The following PDE4D variants were observed in gnomAD, a reference collection of about 807,000 sequenced individuals.
PDE4D encodes the protein phosphodiesterase 4D, also known as 3',5'-cyclic-AMP phosphodiesterase 4D.
PDE4D carries 24 observed loss-of-function variants against 87.4 expected under a neutral mutation model. The observed-to-expected ratio is 0.27, with a 90% CI of 0.20 to 0.39. The LOEUF (loss-of-function observed/expected upper bound fraction) is 0.39, where lower values mean the gene tolerates loss of function less well. Among genes scored for constraint, PDE4D ranks in the 10% least tolerant of loss-of-function variants. The pLI, the probability that PDE4D is intolerant of heterozygous loss-of-function variation, is 1.00. For missense variants in PDE4D, 714 were observed against 1,041.0 expected, an observed-to-expected ratio of 0.69 and a Z score of 4.32; for synonymous variants, 384 against 383.2, an observed-to-expected ratio of 1.00 and a Z score of -0.02.
chr5:60,472,287 C>A (rs78683957), intron 1 of PDE4D, among the ~76,000 whole-genome samples: 6,283 of 152,212 alleles, frequency 0.041, 237 homozygotes, highest in East Asian at 0.19. Context: ...AACTGAGGCA[C>A]AGCCAACTTA....
intron 2 of PDE4D, among the ~76,000 whole-genome samples, chr5:60,076,492 AT>A (rs1043195152): frequency 1.3e-5 from 2 of 151,760 alleles, no homozygotes; most frequent in African/African-American, 4.8e-5. Context: ...TGTCCTTTGG[AT>A]TTTTTTCTTT....
chr5:60,028,263 G>T (rs905619644), intron 2 of PDE4D, among the ~76,000 whole-genome samples: 4 of 151,736 alleles, frequency 2.6e-5, no homozygotes, highest in South Asian at 2.1e-4. Flanking sequence ...TTAGCTTCAT[G>T]TTTTGGGGGC....
chr5:59,434,941 G>A (rs1266722365), intron 1 of PDE4D, among the ~76,000 whole-genome samples: 1 of 152,120 alleles, frequency 6.6e-6, no homozygotes, highest in African/African-American at 2.4e-5. Flanking sequence ...TAAAATATGA[G>A]TTGGGCCCTA....
At chr5:59,521,353 T>G (rs1812207189) in intron 1 of PDE4D, among the ~76,000 whole-genome samples, 1 of 152,172 alleles carries the variant, frequency 6.6e-6, no homozygotes, top group African/African-American at 2.4e-5. Context: ...TAAAAACAGA[T>G]GTATAACTGC....
intron 1 of PDE4D, among the ~76,000 whole-genome samples, chr5:59,237,785 GTGTGTGTGTGTGT>G (rs1756789666): frequency 6.1e-4 from 89 of 147,054 alleles, no homozygotes; most frequent in African/African-American, 1.6e-3. Context: ...TCATATAGGT[GTGTGTGTGTGTGT>G]GTGTGTGTGT....
At chr5:59,017,847 G>T (rs530776207) in intron 6 of PDE4D, among the ~76,000 whole-genome samples, 29 of 152,266 alleles carry the variant, frequency 1.9e-4, no homozygotes, top group African/African-American at 6.7e-4. Flanking sequence ...AATAATAAGT[G>T]CAATTAAAAG....
intron 5 of PDE4D, among the ~76,000 whole-genome samples, chr5:59,045,988 G>T (rs1760563365): frequency 6.6e-6 from 1 of 152,184 alleles, no homozygotes; most frequent in Admixed American, 6.5e-5. Context: ...GGTATGAACA[G>T]AAGGACTGCC....
intron 1 of PDE4D, among the ~76,000 whole-genome samples, chr5:60,277,584 C>T (rs1385035377): frequency 6.6e-6 from 1 of 152,044 alleles, no homozygotes; most frequent in Non-Finnish European, 1.5e-5. Context: ...AATATTACAT[C>T]ATATACTGAA....
chr5:60,156,698 A>C (rs1782009929), intron 2 of PDE4D, among the ~76,000 whole-genome samples: 1 of 152,104 alleles, frequency 6.6e-6, no homozygotes, highest in Non-Finnish European at 1.5e-5. Context: ...TACCTGCCCT[A>C]GTTTCTGTTA....
intron 1 of PDE4D, among the ~76,000 whole-genome samples, chr5:59,863,672 T>C (rs1383096336): frequency 6.6e-6 from 1 of 152,226 alleles, no homozygotes; most frequent in African/African-American, 2.4e-5. Flanking sequence ...TGCATGTTTG[T>C]TTTGGTATTG....
intron 1 of PDE4D, among the ~76,000 whole-genome samples, chr5:59,317,232 C>T (rs1773917424): frequency 6.6e-6 from 1 of 152,152 alleles, no homozygotes; most frequent in African/African-American, 2.4e-5. Flanking sequence ...AAAACCCCAG[C>T]CAAGGAAAGT....
chr5:58,979,123 A>AT (rs1276684129), intron 11 of PDE4D, among the ~76,000 whole-genome samples: 1 of 152,182 alleles, frequency 6.6e-6, no homozygotes, highest in African/African-American at 2.4e-5. Context: ...CCTGCAAAAG[A>AT]ATAAGATGAT....
chr5:60,387,226 A>G (rs936650113), intron 1 of PDE4D, among the ~76,000 whole-genome samples: 1 of 152,248 alleles, frequency 6.6e-6, no homozygotes, highest in Admixed American at 6.5e-5. Context: ...TCTGCAGTTC[A>G]TGTTTTATTT....
At chr5:60,250,669 A>G (rs1382314321) in intron 1 of PDE4D, among the ~76,000 whole-genome samples, 1 of 152,026 alleles carries the variant, frequency 6.6e-6, no homozygotes, top group Admixed American at 6.6e-5. Flanking sequence ...GCTGTCATTC[A>G]TATAAATTAG....
chr5:60,369,433 C>T (rs1353330523), intron 1 of PDE4D, among the ~76,000 whole-genome samples: 2 of 152,122 alleles, frequency 1.3e-5, no homozygotes, highest in Non-Finnish European at 2.9e-5. Context: ...AAAGATGAGG[C>T]AGGCATTAAG....
At chr5:60,388,472 C>T (rs932226256) in intron 1 of PDE4D, among the ~76,000 whole-genome samples, 1 of 152,014 alleles carries the variant, frequency 6.6e-6, no homozygotes, top group African/African-American at 2.4e-5. Flanking sequence ...TGGTTTGCTG[C>T]ACCTATTGAC....
At chr5:59,216,866 T>C (rs975361135) in intron 1 of PDE4D, 6 of 178,718 alleles carry the variant, frequency 3.4e-5, no homozygotes, top group African/African-American at 1.4e-4. Flanking sequence ...GCCCTTTCTC[T>C]ACGCTCCCAA....
intron 1 of PDE4D, among the ~76,000 whole-genome samples, chr5:60,245,983 T>C (rs1313783664): frequency 6.6e-6 from 1 of 151,818 alleles, no homozygotes; most frequent in Non-Finnish European, 1.5e-5. Flanking sequence ...AGACACCCCA[T>C]TTACACCCCA....
In PDE4D at chr5:59,270,023, AGGGAAT is replaced by A. The variant is rs1763530734; in HGVS notation, c.456-54061_456-54056del. Among the ~76,000 whole-genome samples the A allele has an allele frequency of 4.6e-5, 7 of 152,120 alleles. 1 individual carries two copies. The South Asian group carries it at 1.4e-3, about 31-fold the overall frequency. ...GTACAGTGGACAAATGGCTTTTTCC[AGGGAAT>A]CTCATACTTCATGACTTTAAAGAGT... On this transcript the variant is annotated intron_variant, in intron 1 of 14. Transcript: ENST00000340635.
Sources: gnomAD v4.1 joint callset for allele counts (sites outside exome capture counted in the v4.1 genomes callset) on GRCh38, gnomAD v4.1.1 for gene constraint, MANE v1.5 for transcripts, NCBI Gene and HGNC (gene_info 2026-07-23, HGNC 2026-07-21) for gene names.